The following FNDC1 variants were observed in gnomAD, a reference collection of about 807,000 sequenced individuals.
FNDC1 encodes fibronectin type III domain containing 1.
Under a neutral mutation model 168.0 loss-of-function variants are expected in FNDC1, and 96 were observed. The ratio of observed to expected loss-of-function variants is 0.57; its 90% CI spans 0.48 to 0.68. The LOEUF (loss-of-function observed/expected upper bound fraction) is 0.68. FNDC1 is among the 30% of genes least tolerant of loss of function. The pLI is 0.00. For missense variants in FNDC1, 2,587 were observed against 2,482.1 expected, an observed-to-expected ratio of 1.04 and a Z score of -0.90; for synonymous variants, 1,099 against 1,025.9, an observed-to-expected ratio of 1.07 and a Z score of -1.36.
chr6:159,229,702 G>C (rs1783041261), intron 9 of FNDC1, 113 bp from the exon 10 acceptor site: 1 of 880,144 alleles, frequency 1.1e-6, no homozygotes, highest in Non-Finnish European at 1.7e-6. Context: ...TGCATTGCTA[G>C]TGTATTAATT....
chr6:159,200,363 A>G, intron 3 of FNDC1, 150 bp from the exon 4 acceptor site: 1 of 668,334 alleles, frequency 1.5e-6, no homozygotes, highest in Non-Finnish European at 2.6e-6. Flanking sequence ...TTGTCCGTAA[A>G]GCTGAGGTGT....
intron 19 of FNDC1, among the ~76,000 whole-genome samples, chr6:159,261,635 G>A (rs932047091): frequency 3.3e-5 from 5 of 152,236 alleles, no homozygotes; most frequent in African/African-American, 9.6e-5. Flanking sequence ...CTGACAGGAA[G>A]TTGCCTTTCC....
chr6:159,182,730 A>G (rs1205433815), intron 1 of FNDC1, among the ~76,000 whole-genome samples: 1 of 152,226 alleles, frequency 6.6e-6, no homozygotes, highest in African/African-American at 2.4e-5. Flanking sequence ...CCAATTGAAT[A>G]GCATATTCAA....
At position 159,232,273 on chromosome 6, in the gene FNDC1, G is replaced by T. The variant is rs370944742; in HGVS notation, c.1761G>T (p.Arg587=). ...VAPGRTAVRA[R]MPALPRREGV... ...CCGGCAGGACTGCAGTGAGGGCCCG[G>T]ATGCCAGCGCTGCCCCGAAGGGAAG... Residue 587 remains arginine, a synonymous_variant, in exon 11 of 23, where the codon CGG becomes CGT. Transcript: ENST00000297267. This position sits in a 1 kb window ranked among gnomAD's most constrained non-coding sequence, Gnocchi z 4.9. The T allele has an allele frequency of 2.5e-5, 41 of 1,610,794 alleles. No homozygotes were observed. Among genetic ancestry groups the T allele is most frequent in the Non-Finnish European group, 3.3e-5 (39 of 1,178,550 alleles).
chr6:159,254,184 T>C (rs866514045), intron 17 of FNDC1, among the ~76,000 whole-genome samples: 7 of 152,324 alleles, frequency 4.6e-5, no homozygotes, highest in Middle Eastern at 3.4e-3. Flanking sequence ...ATGTTATTGA[T>C]CTTTTCCTTC....
rs1486054822 is a variant in FNDC1, at chr6:159,174,597, C to T, written c.109+4892C>T. ...TGCCTTGTTTCTCCCTTAGTGCTTG[C>T]CTTTTGGCAATTTTTCTACTCATTG... On this transcript the variant is annotated intron_variant, in intron 1 of 22. Transcript: ENST00000297267. Among the ~76,000 whole-genome samples the T allele has an allele frequency of 3.9e-5, 6 of 152,370 alleles. No individual in the cohort carries two copies. The East Asian group carries it at 1.2e-3, about 29-fold the overall frequency.
chr6:159,183,712 A>T (rs1781930632), intron 1 of FNDC1, among the ~76,000 whole-genome samples: 1 of 152,176 alleles, frequency 6.6e-6, no homozygotes, highest in African/African-American at 2.4e-5. Flanking sequence ...GAAACCAGGG[A>T]GTGTGGCATC....
chr6:159,178,433 T>C (rs1390707860), intron 1 of FNDC1, among the ~76,000 whole-genome samples: 1 of 152,162 alleles, frequency 6.6e-6, no homozygotes, highest in Non-Finnish European at 1.5e-5. Context: ...ACGTACCATG[T>C]ACCCTCCACC....
At chr6:159,250,708 C>T (rs1344844415) in intron 16 of FNDC1, among the ~76,000 whole-genome samples, 1 of 152,186 alleles carries the variant, frequency 6.6e-6, no homozygotes, top group African/African-American at 2.4e-5. Context: ...GTAGAAAAAT[C>T]TTCAGCCATC....
chr6:159,246,864 G>C (rs750519617), intron 14 of FNDC1, 37 bp from the exon 15 acceptor site: 9 of 1,459,864 alleles, frequency 6.2e-6, no homozygotes, highest in South Asian at 1.1e-5. Flanking sequence ...TGGAGAAGGA[G>C]CGCTGGATGA....
At position 159,234,253 on chromosome 6, in the gene FNDC1, T is replaced by G; in HGVS notation, c.3741T>G (p.Pro1247=). The change falls in exon 11 of 23, where the codon CCT becomes CCG. Residue 1247 remains proline, a synonymous_variant. Coordinates refer to ENST00000297267, the MANE Select transcript of FNDC1 (RefSeq NM_032532.3). ...LAPVKRPLPP[P]PGSSPRASHV... ...CTGTGAAGCGACCTCTCCCCCCACC[T>G]CCAGGCAGCTCCCCCAGGGCCTCCC... 1.9e-6 allele frequency: 3 copies of G among 1,590,686 alleles called. No individual in the cohort carries two copies. The highest frequency in any genetic ancestry group is 2.6e-6 in the Non-Finnish European group (3 of 1,168,762).
rs370889697 is a variant in FNDC1, at chr6:159,209,005, G to A, written c.461-5940G>A. 1.6e-4 allele frequency among the ~76,000 whole-genome samples: 24 copies of A among 151,996 alleles called. 1 individual carries two copies. In the East Asian group the frequency reaches 4.1e-3, roughly 26 times the overall value. On this transcript the variant is annotated intron_variant, in intron 4 of 22. Transcript: ENST00000297267. ...TGGGATTACAGGTGCATGCCACCAC[G>A]CCCAGCTAATTTTGTATTTTTATTA...
chr6:159,187,708 G>C (rs890152736), intron 1 of FNDC1, among the ~76,000 whole-genome samples: 2 of 151,756 alleles, frequency 1.3e-5, no homozygotes, highest in Non-Finnish European at 2.9e-5. Context: ...GTGGGGTCTG[G>C]GTCATAAATA....
At chr6:159,189,969 A>C (rs1347294198) in intron 1 of FNDC1, among the ~76,000 whole-genome samples, 6 of 152,184 alleles carry the variant, frequency 3.9e-5, no homozygotes, top group Admixed American at 1.3e-4. Flanking sequence ...GACAGCAGTA[A>C]ATTTTCAGCC....
chr6:159,177,472 G>A (rs144978438), intron 1 of FNDC1, among the ~76,000 whole-genome samples: 88 of 152,230 alleles, frequency 5.8e-4, no homozygotes, highest in African/African-American at 1.9e-3. Flanking sequence ...GGTGTGGCAG[G>A]TGTGGTCAGG....
Position 159,233,509 on chromosome 6 carries a change from C to T in FNDC1, c.2997C>T (p.Gly999=). ...HPSVPRRMTP[G]RAPQQQPPPP... ...GTGTTCCCAGAAGGATGACACCCGG[C>T]CGGGCCCCACAACAGCAGCCCCCTC... Residue 999 remains glycine, a synonymous_variant, in exon 11 of 23, where the codon GGC becomes GGT. Transcript: ENST00000297267. The surrounding 1 kb of genome is among the most constrained non-coding windows in gnomAD (Gnocchi z 4.6). 6.2e-7 allele frequency: 1 copy of T among 1,602,642 alleles called. No individual in the cohort carries two copies.
intron 14 of FNDC1, among the ~76,000 whole-genome samples, chr6:159,244,912 A>T (rs1783505524): frequency 6.6e-6 from 1 of 152,184 alleles, no homozygotes; most frequent in Admixed American, 6.5e-5. Context: ...ACTACCTGAG[A>T]CTGGATAATT....
intron 18 of FNDC1, among the ~76,000 whole-genome samples, chr6:159,260,021 T>C (rs1358409600): frequency 6.6e-6 from 1 of 152,234 alleles, no homozygotes; most frequent in Non-Finnish European, 1.5e-5. Flanking sequence ...ATAATTCGCT[T>C]TTTAAAAATG....
intron 14 of FNDC1, among the ~76,000 whole-genome samples, chr6:159,241,821 C>T (rs1326979872): frequency 1.3e-5 from 2 of 152,236 alleles, no homozygotes; most frequent in East Asian, 3.9e-4. Flanking sequence ...CCATACATGT[C>T]GATGAGTTTG....
Sources: gnomAD v4.1 joint callset for allele counts (sites outside exome capture counted in the v4.1 genomes callset) on GRCh38, gnomAD v4.1.1 for gene constraint, Gnocchi (gnomAD v3.1) non-coding constraint, MANE v1.5 for transcripts, NCBI Gene and HGNC (gene_info 2026-07-23, HGNC 2026-07-21) for gene names.